Variants in GALNTL6 observed in about 807,000 individuals in gnomAD.
GALNTL6 encodes the protein polypeptide N-acetylgalactosaminyltransferase-like 6.
Under a neutral mutation model 73.7 loss-of-function variants are expected in GALNTL6, and 46 were observed. The observed-to-expected ratio is 0.62, with a 90% CI of 0.49 to 0.80. The LOEUF (loss-of-function observed/expected upper bound fraction) is 0.80, where lower values mean the gene tolerates loss of function less well. GALNTL6 is among the 30% of genes least tolerant of loss of function. The probability of loss-of-function intolerance (pLI) is 0.00; values close to 1 mark genes in which losing one functional copy is unlikely to be tolerated. For synonymous variants in GALNTL6, 259 were observed against 263.7 expected (o/e 0.98, Z 0.17); for missense variants, 604 against 755.0 (o/e 0.80, Z 2.34).
At chr4:172,641,623 G>A (rs1197259140) in intron 5 of GALNTL6, among the ~76,000 whole-genome samples, 6 of 151,940 alleles carry the variant, frequency 3.9e-5, no homozygotes, top group Non-Finnish European at 8.8e-5. Flanking sequence ...CTGACAATTG[G>A]CTACTGCTCC....
chr4:172,018,996 C>A (rs992499244), intron 2 of GALNTL6, among the ~76,000 whole-genome samples: 1 of 152,108 alleles, frequency 6.6e-6, no homozygotes, highest in African/African-American at 2.4e-5. Context: ...AAATCCTTCT[C>A]CAGTGATCTG....
chr4:172,168,299 T>C (rs531881935), intron 2 of GALNTL6, among the ~76,000 whole-genome samples: 1 of 152,266 alleles, frequency 6.6e-6, no homozygotes, highest in African/African-American at 2.4e-5. Context: ...GTTTTGTTTT[T>C]TGAGAAGGAG....
In GALNTL6 at chr4:172,700,894, T is replaced by A. The variant is rs146375692; in HGVS notation, c.554-108467T>A. ...TCTATGGAAAGAGGAGGGCCATACT[T>A]CATTTTAACCGAAAATGCAACAGTC... On this transcript the variant is annotated intron_variant, in intron 5 of 12. Transcript: ENST00000506823. 1.3e-3 allele frequency among the ~76,000 whole-genome samples: 193 copies of A among 152,236 alleles called. 1 individual carries two copies. Among genetic ancestry groups the A allele is most frequent in the African/African-American group, 4.5e-3 (185 of 41,556 alleles).
intron 4 of GALNTL6, among the ~76,000 whole-genome samples, chr4:172,315,552 T>A (rs527282165): frequency 1.8e-4 from 27 of 152,320 alleles, no homozygotes; most frequent in African/African-American, 5.8e-4. Context: ...TGCCTGGCCC[T>A]GGTTGATTTT....
intron 2 of GALNTL6, among the ~76,000 whole-genome samples, chr4:172,001,837 C>T (rs1385850106): frequency 6.6e-6 from 1 of 152,114 alleles, no homozygotes; most frequent in Non-Finnish European, 1.5e-5. Context: ...AGCCAAAGTA[C>T]AGGTTTGTAA....
intron 5 of GALNTL6, among the ~76,000 whole-genome samples, chr4:172,458,343 A>C (rs1425259440): frequency 6.6e-6 from 1 of 150,906 alleles, no homozygotes; most frequent in Admixed American, 6.6e-5. Context: ...ATTCAAAACC[A>C]AGCAGAAGAC....
At chr4:172,160,464 C>T (rs1734422205) in intron 2 of GALNTL6, among the ~76,000 whole-genome samples, 1 of 151,902 alleles carries the variant, frequency 6.6e-6, no homozygotes, top group South Asian at 2.1e-4. Context: ...TTGGATTTGC[C>T]AACTGTGGGC....
chr4:172,116,855 A>C (rs561915118), intron 2 of GALNTL6, among the ~76,000 whole-genome samples: 1 of 152,310 alleles, frequency 6.6e-6, no homozygotes, highest in Admixed American at 6.5e-5. Context: ...AGCAAATATA[A>C]GCTTTTTGTC....
rs572982875 is a variant in GALNTL6 at position 171,845,304 on chromosome 4, G to A, written c.138+30586G>A. 5.9e-5 allele frequency among the ~76,000 whole-genome samples: 9 copies of A among 152,222 alleles called. No homozygotes were observed. In the East Asian group the frequency reaches 9.7e-4, roughly 16 times the overall value. ...GACAGAGACAAACTAATAACTTCTAGATCAAAGTTGACCGTAGGAATATGA... is the reference window on the plus strand; with the variant it reads ...GACAGAGACAAACTAATAACTTCTAAATCAAAGTTGACCGTAGGAATATGA... On this transcript the variant is annotated intron_variant, in intron 2 of 12. Transcript: ENST00000506823.
chr4:172,977,753 G>T (rs533965170), intron 10 of GALNTL6, among the ~76,000 whole-genome samples: 1 of 152,106 alleles, frequency 6.6e-6, no homozygotes. Context: ...GTTCTGGGTG[G>T]TCCTCTGGGT....
chr4:172,156,550 T>TATATATATATATAATATATATA (rs1560945656), intron 2 of GALNTL6, among the ~76,000 whole-genome samples: 5 of 117,702 alleles, frequency 4.2e-5, no homozygotes, highest in Non-Finnish European at 8.4e-5. Context: ...AATATATATA[T>TATATATATATATAATATATATA]ATATATATAT....
intron 5 of GALNTL6, among the ~76,000 whole-genome samples, chr4:172,477,588 G>A (rs2111474928): frequency 6.6e-6 from 1 of 152,270 alleles, no homozygotes; most frequent in East Asian, 1.9e-4. Flanking sequence ...TTAACTGGCT[G>A]GCTGTGCTCA....
intron 2 of GALNTL6, among the ~76,000 whole-genome samples, chr4:171,960,494 G>A (rs1478165091): frequency 1.3e-5 from 2 of 151,812 alleles, no homozygotes; most frequent in African/African-American, 4.8e-5. Flanking sequence ...TCCCCAGGCT[G>A]GTCTCGAACT....
At chr4:171,857,459 T>C (rs1735722806) in intron 2 of GALNTL6, among the ~76,000 whole-genome samples, 1 of 152,118 alleles carries the variant, frequency 6.6e-6, no homozygotes, top group Non-Finnish European at 1.5e-5. Flanking sequence ...GGCTTGAAGT[T>C]CCAGGAAAGC....
At chr4:172,081,889 TA>T (rs1342404420) in intron 2 of GALNTL6, among the ~76,000 whole-genome samples, 1 of 150,194 alleles carries the variant, frequency 6.7e-6, no homozygotes, top group Non-Finnish European at 1.5e-5. Flanking sequence ...TTTTTTTTTT[TA>T]AATTGAGACA....
At chr4:172,655,259 G>A (rs1224501236) in intron 5 of GALNTL6, among the ~76,000 whole-genome samples, 1 of 152,104 alleles carries the variant, frequency 6.6e-6, no homozygotes, top group East Asian at 1.9e-4. Flanking sequence ...GATGGTTGTT[G>A]TTGTGTGTGT....
At chr4:172,693,039 G>T (rs967857467) in intron 5 of GALNTL6, among the ~76,000 whole-genome samples, 5 of 151,920 alleles carry the variant, frequency 3.3e-5, no homozygotes, top group Non-Finnish European at 7.4e-5. Context: ...GTTACGTAAG[G>T]GATAACAACA....
intron 2 of GALNTL6, among the ~76,000 whole-genome samples, chr4:172,040,987 G>T (rs1409607826): frequency 1.3e-5 from 2 of 151,906 alleles, no homozygotes; most frequent in Non-Finnish European, 2.9e-5. Context: ...AATTTTCATT[G>T]TTTATACAAT....
chr4:172,408,634 G>C (rs335980), intron 5 of GALNTL6, among the ~76,000 whole-genome samples: 135,640 of 151,690 alleles, frequency 0.89, 60,663 homozygotes, highest in African/African-American at 0.93. Flanking sequence ...CCTCATTGCT[G>C]AACCCAAAAC....
Sources: gnomAD v4.1 joint callset for allele counts (sites outside exome capture counted in the v4.1 genomes callset) on GRCh38, gnomAD v4.1.1 for gene constraint, MANE v1.5 for transcripts, NCBI Gene and HGNC (gene_info 2026-07-23, HGNC 2026-07-21) for gene names.